ATG7: variants seen among roughly 807,000 people sequenced by gnomAD.
The protein encoded by ATG7 is autophagy related 7.
Under a neutral mutation model 82.4 loss-of-function variants are expected in ATG7, and 70 were observed. That is an observed-to-expected ratio of 0.85 (90% CI 0.70 to 1.04). The LOEUF (loss-of-function observed/expected upper bound fraction) is 1.04, where lower values mean the gene tolerates loss of function less well. Among genes scored for constraint, ATG7 ranks in the 50% least tolerant of loss-of-function variants. ATG7 has a pLI of 0.00. For missense variants in ATG7, 792 were observed against 864.3 expected (o/e 0.92, Z 1.05); for synonymous variants, 287 against 313.0 (o/e 0.92, Z 0.88).
chr3:11,344,665 G>A (rs1020847565), intron 13 of ATG7, among the ~76,000 whole-genome samples: 1 of 151,968 alleles, frequency 6.6e-6, no homozygotes, highest in African/African-American at 2.4e-5. Flanking sequence ...TCAGGAGTTC[G>A]AGACCAGCCT....
intron 20 of ATG7, among the ~76,000 whole-genome samples, chr3:11,503,999 G>T (rs2091536291): frequency 6.6e-6 from 1 of 151,958 alleles, no homozygotes; most frequent in Non-Finnish European, 1.5e-5. Context: ...GAAAAAATAA[G>T]GAAGAAATTA....
intron 20 of ATG7, among the ~76,000 whole-genome samples, chr3:11,502,548 G>A (rs58738615): frequency 7.5e-4 from 113 of 150,894 alleles, no homozygotes; most frequent in African/African-American, 2.6e-3. Flanking sequence ...TACAAAGGAC[G>A]TGAACTCATC....
At chr3:11,539,144 A>T (rs1208914967) in intron 20 of ATG7, among the ~76,000 whole-genome samples, 1 of 152,066 alleles carries the variant, frequency 6.6e-6, no homozygotes, top group Admixed American at 6.5e-5. Context: ...CATTGTAAGC[A>T]AGTAACAACA....
At chr3:11,316,630 G>C (rs1250443309) in intron 9 of ATG7, among the ~76,000 whole-genome samples, 1 of 152,170 alleles carries the variant, frequency 6.6e-6, no homozygotes, top group African/African-American at 2.4e-5. Context: ...CTCCAAGAGG[G>C]CAGGGCCCAA....
rs1311507386 is a variant in ATG7, at chr3:11,379,966, T to G, written c.1876-6T>G. 25 of 1,613,932 alleles carry G rather than the reference T, an allele frequency of 1.5e-5. No homozygotes were observed. Among genetic ancestry groups the G allele is most frequent in the Non-Finnish European group, 1.8e-5 (21 of 1,179,872 alleles). ...ATGTGAATTGTTTTGTTTTGTTTGT[T>G]TTTAGATCCGGGGATTTCTTTCACG... On this transcript the variant is annotated splice_region_variant and splice_polypyrimidine_tract_variant and intron_variant, in intron 18 of 20. Transcript: ENST00000693202.
chr3:11,511,050 T>C (rs1575130377), intron 20 of ATG7, among the ~76,000 whole-genome samples: 1 of 151,984 alleles, frequency 6.6e-6, no homozygotes. Flanking sequence ...GGCTCGGGAG[T>C]GAAGCTGCAG....
chr3:11,415,318 A>G (rs545677505), intron 19 of ATG7, among the ~76,000 whole-genome samples: 53 of 152,324 alleles, frequency 3.5e-4, no homozygotes, highest in African/African-American at 1.3e-3. Context: ...GTGAAGGTCT[A>G]GGACATTTTG....
chr3:11,317,710 A>G (rs1949650444), intron 9 of ATG7, among the ~76,000 whole-genome samples: 1 of 150,370 alleles, frequency 6.7e-6, no homozygotes, highest in South Asian at 2.1e-4. Flanking sequence ...CTCCTGCCTC[A>G]GCCTCCCAAG....
At chr3:11,576,279 G>A in the ATG7 span, among the ~76,000 whole-genome samples, 2 of 152,192 alleles carry the variant, frequency 1.3e-5, no homozygotes, top group Non-Finnish European at 2.9e-5. Context: ...CAAAACAGAT[G>A]TGTCCCACAT....
At chr3:11,281,646 C>T (rs1240339330) in intron 2 of ATG7, among the ~76,000 whole-genome samples, 3 of 151,438 alleles carry the variant, frequency 2.0e-5, no homozygotes, top group Admixed American at 1.3e-4. Flanking sequence ...TAGTGGCGGG[C>T]GCCCATAATC....
chr3:11,572,807 C>A, the ATG7 span, among the ~76,000 whole-genome samples: 2 of 152,126 alleles, frequency 1.3e-5, no homozygotes, highest in Non-Finnish European at 2.9e-5. Flanking sequence ...TACGAATACA[C>A]CACTGCATAT....
intron 9 of ATG7, among the ~76,000 whole-genome samples, chr3:11,324,738 A>G (rs887255819): frequency 1.3e-5 from 2 of 152,234 alleles, no homozygotes; most frequent in East Asian, 1.9e-4. Context: ...TGTAGCATCT[A>G]ACATAATATT....
intron 19 of ATG7, among the ~76,000 whole-genome samples, chr3:11,392,578 A>T (rs1046187404): frequency 3.3e-5 from 5 of 152,064 alleles, no homozygotes; most frequent in African/African-American, 1.2e-4. Flanking sequence ...GCCCAGCAAA[A>T]CCCACACCCC....
intron 19 of ATG7, among the ~76,000 whole-genome samples, chr3:11,408,065 T>C (rs959532363): frequency 6.6e-6 from 1 of 152,256 alleles, no homozygotes; most frequent in Non-Finnish European, 1.5e-5. Context: ...TCTAAACTTT[T>C]ATGCTCTGTT....
At position 11,426,909 on chromosome 3, in the gene ATG7, G is replaced by T; in HGVS notation, c.2062G>T (p.Glu688Ter). The change falls in exon 20 of 21, where the codon GAA (glutamate) becomes TAA (stop). Residue 688 changes from glutamate (E) to a stop codon, truncating the protein, a stop_gained. Coordinates refer to ENST00000693202, the MANE Select transcript of ATG7 (RefSeq NM_001349232.2). LOFTEE classifies it high-confidence loss of function. ...GACTGGTCTTACATTGCTGCATCAA[G>T]AAACCCAAGCTGCTGAGGTAAGAAC... ...DLTGLTLLHQ[E>*]TQAAEIWDMS... is the part of the protein sequence containing the mutation. 1 of 1,604,460 alleles carries T rather than the reference G, an allele frequency of 6.2e-7. No individual in the cohort carries two copies. Among genetic ancestry groups the T allele is most frequent in the Non-Finnish European group, 8.5e-7 (1 of 1,176,518 alleles).
intron 20 of ATG7, among the ~76,000 whole-genome samples, chr3:11,501,712 CAG>C (rs1180422016): frequency 6.6e-6 from 1 of 152,054 alleles, no homozygotes; most frequent in African/African-American, 2.4e-5. Flanking sequence ...ATTTTTTAGA[CAG>C]AGTCTCCCTC....
intron 20 of ATG7, among the ~76,000 whole-genome samples, chr3:11,515,693 TTC>T (rs144625228): frequency 2.0e-5 from 3 of 151,516 alleles, no homozygotes; most frequent in South Asian, 4.2e-4. Flanking sequence ...TGTTCTCTCT[TTC>T]TCTCTCTCTC....
chr3:11,325,992 A>T (rs1320819501), intron 9 of ATG7, among the ~76,000 whole-genome samples: 2 of 152,130 alleles, frequency 1.3e-5, no homozygotes, highest in African/African-American at 4.8e-5. Context: ...TTTGTGACCT[A>T]TAGGGTATTT....
intron 18 of ATG7, among the ~76,000 whole-genome samples, chr3:11,373,475 C>T (rs937710280): frequency 3.3e-5 from 5 of 152,188 alleles, no homozygotes; most frequent in African/African-American, 1.2e-4. Flanking sequence ...CTGATGGGAA[C>T]CACCTGGAGC....
Sources: gnomAD v4.1 joint callset for allele counts (sites outside exome capture counted in the v4.1 genomes callset) on GRCh38, gnomAD v4.1.1 for gene constraint, MANE v1.5 for transcripts, NCBI Gene and HGNC (gene_info 2026-07-23, HGNC 2026-07-21) for gene names.